Variants in ATE1 observed in about 807,000 individuals in gnomAD.
The protein encoded by ATE1 is arginyltransferase 1.
In ATE1, 36 loss-of-function variants were observed where a neutral mutation model predicts 70.5. That is an observed-to-expected ratio of 0.51 (90% confidence interval 0.39 to 0.67). The LOEUF (loss-of-function observed/expected upper bound fraction) is 0.67. ATE1 is among the 30% of genes least tolerant of loss of function. The pLI is 0.00. For synonymous variants in ATE1, 232 were observed against 219.3 expected (o/e 1.06, Z -0.51); for missense variants, 593 against 629.5 (o/e 0.94, Z 0.62).
intron 8 of ATE1, among the ~76,000 whole-genome samples, chr10:121,859,275 G>A (rs565461091): frequency 5.9e-4 from 62 of 104,466 alleles, no homozygotes; most frequent in Middle Eastern, 5.0e-3. Flanking sequence ...TTTTTTTTTT[G>A]AGACGGAGTC....
chr10:121,894,309 A>T (rs1208784082), intron 7 of ATE1, among the ~76,000 whole-genome samples: 1 of 152,200 alleles, frequency 6.6e-6, no homozygotes, highest in African/African-American at 2.4e-5. Flanking sequence ...GGACTTTAAA[A>T]AACCAAAAAC....
intron 7 of ATE1, among the ~76,000 whole-genome samples, chr10:121,884,322 T>G (rs1950315474): frequency 6.6e-6 from 1 of 151,854 alleles, no homozygotes; most frequent in Non-Finnish European, 1.5e-5. Flanking sequence ...GAACTTTGAG[T>G]TAAATGTTGG....
intron 8 of ATE1, among the ~76,000 whole-genome samples, chr10:121,862,348 T>A (rs886767021): frequency 6.6e-6 from 1 of 152,004 alleles, no homozygotes; most frequent in African/African-American, 2.4e-5. Flanking sequence ...TGATACTTCT[T>A]ACGTTGACAG....
chr10:121,812,015 G>A (rs1345086215), intron 10 of ATE1, among the ~76,000 whole-genome samples: 1 of 144,164 alleles, frequency 6.9e-6, no homozygotes, highest in Non-Finnish European at 1.5e-5. Flanking sequence ...CTGATAGTGG[G>A]CACTATCTCA....
intron 7 of ATE1, among the ~76,000 whole-genome samples, chr10:121,876,915 G>A (rs893881468): frequency 2.7e-5 from 4 of 149,904 alleles, no homozygotes; most frequent in Non-Finnish European, 4.4e-5. Flanking sequence ...GCAGTGAGCC[G>A]AGATAGCGCC....
chr10:121,745,375 C>G (rs1386072980), intron 11 of ATE1, among the ~76,000 whole-genome samples: 1 of 152,242 alleles, frequency 6.6e-6, no homozygotes, highest in East Asian at 1.9e-4. Flanking sequence ...AAAAACTACT[C>G]TGAATGGGAC....
chr10:121,926,678 A>G (rs893951417), intron 1 of ATE1: 49 of 966,328 alleles, frequency 5.1e-5, no homozygotes, highest in Non-Finnish European at 6.0e-5. Context: ...TAGCCAAAAT[A>G]CAAAAATTCT....
chr10:121,806,583 A>G (rs577448932), intron 10 of ATE1, among the ~76,000 whole-genome samples: 3 of 152,328 alleles, frequency 2.0e-5, no homozygotes, highest in Admixed American at 2.0e-4. Flanking sequence ...CTATTTGATG[A>G]TATTACTGTA....
chr10:121,827,321 T>A (rs1042411380), intron 10 of ATE1, among the ~76,000 whole-genome samples: 8 of 152,056 alleles, frequency 5.3e-5, no homozygotes, highest in Non-Finnish European at 7.4e-5. Flanking sequence ...AAATTTTTTT[T>A]AAAAAGAGGA....
At chr10:121,758,590 C>CGGAGGAA (rs1944903958) in intron 11 of ATE1, among the ~76,000 whole-genome samples, 1 of 152,100 alleles carries the variant, frequency 6.6e-6, no homozygotes, top group African/African-American at 2.4e-5. Flanking sequence ...GAAATATAAC[C>CGGAGGAA]ATACGTTATT....
intron 7 of ATE1, among the ~76,000 whole-genome samples, chr10:121,896,733 C>T (rs1415963260): frequency 2.1e-5 from 3 of 142,610 alleles, no homozygotes; most frequent in Non-Finnish European, 4.5e-5. Flanking sequence ...TGCTTGAACC[C>T]GGGAGGCAAA....
At chr10:121,908,835 T>A (rs1170958481) in intron 5 of ATE1, among the ~76,000 whole-genome samples, 1 of 152,194 alleles carries the variant, frequency 6.6e-6, no homozygotes, top group African/African-American at 2.4e-5. Flanking sequence ...TAGAATCTGA[T>A]CAAGGCTCTA....
intron 7 of ATE1, among the ~76,000 whole-genome samples, chr10:121,892,783 C>G (rs7100493): frequency 0.91 from 137,874 of 152,082 alleles, 62,640 homozygotes; most frequent in Middle Eastern, 0.96. Context: ...CCAAAGTGAT[C>G]GGATTACTGG....
At chr10:121,862,091 C>T (rs1949493984) in intron 8 of ATE1, among the ~76,000 whole-genome samples, 2 of 152,164 alleles carry the variant, frequency 1.3e-5, no homozygotes, top group South Asian at 4.1e-4. Context: ...CCAGCTCAGC[C>T]CTCTTCCTAG....
At chr10:121,912,767 C>CA (rs1374887362) in intron 4 of ATE1, among the ~76,000 whole-genome samples, 1 of 149,470 alleles carries the variant, frequency 6.7e-6, no homozygotes, top group African/African-American at 2.5e-5. Flanking sequence ...TTGGTGGAGA[C>CA]AGAGTCTTGC....
chr10:121,893,012 CTT>C (rs1473488878), intron 7 of ATE1, among the ~76,000 whole-genome samples: 1 of 152,114 alleles, frequency 6.6e-6, no homozygotes, highest in East Asian at 1.9e-4. Context: ...GGCACGGTGG[CTT>C]ACGCTTGTAA....
chr10:121,921,796 A>G (rs913386199), intron 3 of ATE1, among the ~76,000 whole-genome samples: 4 of 152,164 alleles, frequency 2.6e-5, no homozygotes, highest in African/African-American at 9.6e-5. Flanking sequence ...TGAACTGTGT[A>G]TAAAAGTCTT....
chr10:121,886,793 CCA>C (rs1349527330), intron 7 of ATE1, among the ~76,000 whole-genome samples: 1 of 152,166 alleles, frequency 6.6e-6, no homozygotes, highest in East Asian at 1.9e-4. Flanking sequence ...TCACCTATGA[CCA>C]CAGTTTCCAA....
In ATE1 at chr10:121,913,808, G is replaced by C. The variant is rs187192255; in HGVS notation, c.319C>G (p.Pro107Ala). Residue 107 changes from proline (P) to alanine (A), a missense_variant, in exon 4 of 12, where the codon CCC becomes GCC. This residue lies in a region of ATE1 where 467 missense variants were observed against 469.6 expected (regional missense o/e 0.99). Coordinates refer to ENST00000224652, the MANE Select transcript of ATE1 (RefSeq NM_001001976.3). Reference sequence around the variant, plus strand: ...ATCTTACCCTCACAACTTCCTTTGGGAACCTCCCCTTTAGCTAGAAATTTC... The same window carrying C: ...ATCTTACCCTCACAACTTCCTTTGGCAACCTCCCCTTTAGCTAGAAATTTC... ...MLKFLAKGEVPKGSCEDEPMD... is the reference protein window; with the variant it reads ...MLKFLAKGEVAKGSCEDEPMD... 5 of 1,612,050 alleles carry C rather than the reference G, an allele frequency of 3.1e-6. No individual in the cohort carries two copies. The African/African-American group carries it at 6.7e-5, about 22-fold the overall frequency.
Sources: gnomAD v4.1 joint callset for allele counts (sites outside exome capture counted in the v4.1 genomes callset) on GRCh38, gnomAD v4.1.1 for gene constraint, gnomAD v4.1.1 regional missense constraint, MANE v1.5 for transcripts, NCBI Gene and HGNC (gene_info 2026-07-23, HGNC 2026-07-21) for gene names.